The following FLI1 variants were observed in gnomAD, a reference collection of about 807,000 sequenced individuals.
FLI1 encodes Fli-1 proto-oncogene, ETS transcription factor.
A neutral mutation model predicts 53.1 loss-of-function variants in FLI1; 13 were observed. The ratio of observed to expected loss-of-function variants is 0.24; its 90% confidence interval spans 0.16 to 0.39. FLI1 has a LOEUF of 0.39. FLI1 is among the 10% of genes least tolerant of loss of function. The probability of loss-of-function intolerance (pLI) is 1.00; values close to 1 mark genes in which losing one functional copy is unlikely to be tolerated. For missense variants in FLI1, 424 were observed against 600.5 expected, an observed-to-expected ratio of 0.71 and a Z score of 3.07; for synonymous variants, 244 against 236.7, an observed-to-expected ratio of 1.03 and a Z score of -0.28.
At chr11:128,710,359 A>G (rs1938737567) in intron 1 of FLI1, among the ~76,000 whole-genome samples, 2 of 152,306 alleles carry the variant, frequency 1.3e-5, no homozygotes, top group South Asian at 4.1e-4. Flanking sequence ...AACGCATTGA[A>G]CTAGGTATTA....
chr11:128,803,653 C>G (rs1222216347), intron 5 of FLI1, among the ~76,000 whole-genome samples: 1 of 152,160 alleles, frequency 6.6e-6, no homozygotes, highest in Non-Finnish European at 1.5e-5. Flanking sequence ...GAACTTGTTT[C>G]CTATTACTTC....
chr11:128,761,035 C>A (rs1941098092), intron 2 of FLI1, among the ~76,000 whole-genome samples: 1 of 152,218 alleles, frequency 6.6e-6, no homozygotes, highest in African/African-American at 2.4e-5. Context: ...TTGCTCAAAA[C>A]TCTTCAATGG....
intron 1 of FLI1, among the ~76,000 whole-genome samples, chr11:128,707,307 C>T (rs1187440134): frequency 6.6e-6 from 1 of 152,178 alleles, no homozygotes; most frequent in African/African-American, 2.4e-5. Flanking sequence ...ACCTGCCCTT[C>T]GACTTCTCCA....
At chr11:128,742,443 C>T (rs539041652) in intron 1 of FLI1, among the ~76,000 whole-genome samples, 1 of 152,166 alleles carries the variant, frequency 6.6e-6, no homozygotes, top group African/African-American at 2.4e-5. Context: ...AAAGAAATAT[C>T]CAGAGTGACC....
At chr11:128,781,896 T>A (rs1344676273) in intron 4 of FLI1, 62 bp from the exon 5 acceptor site, 21 of 1,302,106 alleles carry the variant, frequency 1.6e-5, no homozygotes, top group Middle Eastern at 1.8e-4. Context: ...CCTCATGTCA[T>A]CTCCTACTCT....
At position 128,810,319 on chromosome 11, in the gene FLI1, C is replaced by A; in HGVS notation, c.830-140C>A. The A allele has an allele frequency of 2.5e-6, 2 of 796,452 alleles. No homozygotes were observed. Among genetic ancestry groups the A allele is most frequent in the Non-Finnish European group, 1.9e-6 (1 of 513,212 alleles). 49.3% of individuals were successfully genotyped at this position (796,452 alleles called of 1,614,324 possible). ...CAAATCAACAATGACATAAGAAGGG[C>A]TTGTCAAGTCGATCCCAATGTCGAA... On this transcript the variant is annotated intron_variant, in intron 8 of 8. Coordinates refer to ENST00000527786, the MANE Select transcript of FLI1 (RefSeq NM_002017.5). This position sits in a 1 kb window ranked among gnomAD's most constrained non-coding sequence, Gnocchi z 6.6.
At chr11:128,692,304 C>T (rs1431322547), upstream of FLI1, among the ~76,000 whole-genome samples, 1 of 152,100 alleles carries the variant, frequency 6.6e-6, no homozygotes, top group African/African-American at 2.4e-5. Flanking sequence ...ACTGGTGGCC[C>T]CAGGCAAAGG....
chr11:128,763,572 G>A (rs1261806007), intron 2 of FLI1, among the ~76,000 whole-genome samples: 1 of 152,238 alleles, frequency 6.6e-6, no homozygotes, highest in Non-Finnish European at 1.5e-5. Context: ...AACCTTCCTT[G>A]AAATTCCCTG....
intron 5 of FLI1, among the ~76,000 whole-genome samples, chr11:128,795,171 G>A (rs1359615003): frequency 1.3e-5 from 2 of 152,208 alleles, no homozygotes; most frequent in African/African-American, 4.8e-5. Flanking sequence ...GTAAAATTAA[G>A]TGGGACAATT....
intron 1 of FLI1, among the ~76,000 whole-genome samples, chr11:128,718,520 G>A (rs545398210): frequency 5.3e-5 from 8 of 152,326 alleles, no homozygotes; most frequent in Non-Finnish European, 1.0e-4. Flanking sequence ...GCCGGATACT[G>A]ACCAATGGAG....
chr11:128,742,385 T>C (rs538602399), intron 1 of FLI1, among the ~76,000 whole-genome samples: 1 of 152,354 alleles, frequency 6.6e-6, no homozygotes, highest in South Asian at 2.1e-4. Flanking sequence ...GAGTGTTCTT[T>C]TGTGTGACAA....
chr11:128,780,814 A>G (rs1459166075), intron 4 of FLI1, among the ~76,000 whole-genome samples: 2 of 152,266 alleles, frequency 1.3e-5, no homozygotes, highest in East Asian at 3.9e-4. Flanking sequence ...GAGCGGGGAA[A>G]AGGGTTGTTT....
At chr11:128,759,351 C>T (rs1941019783) in intron 2 of FLI1, among the ~76,000 whole-genome samples, 1 of 152,202 alleles carries the variant, frequency 6.6e-6, no homozygotes, top group African/African-American at 2.4e-5. Flanking sequence ...TGACTTTGAG[C>T]ACAGACGTGA....
intron 2 of FLI1, chr11:128,764,826 G>A: frequency 1.3e-6 from 2 of 1,592,466 alleles, no homozygotes. Context: ...GGCGAGGTAT[G>A]GCTTTCCTTC....
chr11:128,768,292 G>C lies in FLI1; in HGVS notation c.385+20G>C, dbSNP rs775887079. 2.5e-6 allele frequency: 4 copies of C among 1,603,248 alleles called. No individual in the cohort carries two copies. On this transcript the variant is annotated intron_variant, in intron 3 of 8. Coordinates refer to ENST00000527786, the MANE Select transcript of FLI1 (RefSeq NM_002017.5). ...CCGCAGGTAATTCGAGAACCAGGCT[G>C]CCTGGGCGCCATTCACTTCCCCACT... is the stretch of plus-strand genomic sequence containing the variant.
intron 1 of FLI1, among the ~76,000 whole-genome samples, chr11:128,745,253 CAG>C (rs10541086): frequency 0.12 from 18,718 of 151,940 alleles, 1,475 homozygotes; most frequent in African/African-American, 0.22. Flanking sequence ...TTGAAGGTGA[CAG>C]AGGGAAAATG....
intron 4 of FLI1, 124 bp downstream of exon 4, chr11:128,773,109 T>C (rs938138344): frequency 1.1e-5 from 10 of 878,722 alleles, no homozygotes; most frequent in East Asian, 9.7e-5. Context: ...GTGGGGCCTG[T>C]AGTGTTGCCA....
chr11:128,693,989 A>G (rs975604157), upstream of FLI1: 1 of 285,788 alleles, frequency 3.5e-6, no homozygotes, highest in Non-Finnish European at 6.2e-6. Context: ...AGAGAGAGAG[A>G]GAGATAGGAC....
chr11:128,759,633 T>C (rs1462473881), intron 2 of FLI1, among the ~76,000 whole-genome samples: 2 of 152,222 alleles, frequency 1.3e-5, no homozygotes, highest in African/African-American at 4.8e-5. Flanking sequence ...CAAAGGCGAC[T>C]AAAGCCTGCA....
Sources: gnomAD v4.1 joint callset for allele counts (sites outside exome capture counted in the v4.1 genomes callset) on GRCh38, gnomAD v4.1.1 for gene constraint, Gnocchi (gnomAD v3.1) non-coding constraint, MANE v1.5 for transcripts, NCBI Gene and HGNC (gene_info 2026-07-23, HGNC 2026-07-21) for gene names.